The following GGA2 variants were observed in gnomAD, a reference collection of about 807,000 sequenced individuals.
GGA2 encodes the protein golgi associated, gamma adaptin ear containing, ARF binding protein 2, also known as ADP-ribosylation factor-binding protein GGA2.
GGA2 carries 48 observed loss-of-function variants against 79.5 expected under a neutral mutation model. The ratio of observed to expected loss-of-function variants is 0.60; its 90% confidence interval spans 0.48 to 0.77. The LOEUF (loss-of-function observed/expected upper bound fraction) is 0.77. Among genes scored for constraint, GGA2 ranks in the 30% least tolerant of loss-of-function variants. GGA2 has a pLI of 0.00. For missense variants in GGA2, 770 were observed against 774.0 expected (o/e 0.99, Z 0.06); for synonymous variants, 317 against 302.0 (o/e 1.05, Z -0.51).
At position 23,492,287 on chromosome 16, in the gene GGA2, G is replaced by A. The variant is rs545323014; in HGVS notation, c.352-487C>T. Among the ~76,000 whole-genome samples, 5 of 152,206 alleles carry A rather than the reference G, an allele frequency of 3.3e-5. No homozygotes were observed. In the South Asian group the frequency reaches 1.0e-3, roughly 32 times the overall value. ...CAAAGAGATCAACCTTGTGATCAGA[G>A]GGCTGAAACTTTCAGCCCCATCCCC... On this transcript the variant is annotated intron_variant, in intron 4 of 16. Coordinates refer to ENST00000309859, the MANE Select transcript of GGA2 (RefSeq NM_015044.4).
rs760321001 is a variant in GGA2, at chr16:23,482,962, G to A, written c.841C>T (p.Arg281Trp). 22 of 1,612,522 alleles carry A rather than the reference G, an allele frequency of 1.4e-5. No individual in the cohort carries two copies. The highest frequency in any genetic ancestry group is 9.9e-5 in the South Asian group (9 of 91,038). Residue 281 changes from arginine to tryptophan, a missense_variant, in exon 9 of 17, where the codon CGG becomes TGG. Physicochemically the swap from Arg to Trp is moderately radical, Grantham distance 101. Coordinates refer to ENST00000309859, the MANE Select transcript of GGA2 (RefSeq NM_015044.4). The stretch of plus-strand genomic sequence containing the variant: ...TCATCAGTGGTGTCACTCGCCAACC[G>A]GAACAGCGTGGGCCGCAGCTTTTCA... ...RCEKLRPTLFRLASDTTDDDD... is the reference protein window; with the variant it reads ...RCEKLRPTLFWLASDTTDDDD...
chr16:23,510,467 C>G lies in GGA2; in HGVS notation c.-56G>C, dbSNP rs551829604. 1 of 627,884 alleles carries G rather than the reference C, an allele frequency of 1.6e-6. No homozygotes were observed. Among genetic ancestry groups the G allele is most frequent in the Non-Finnish European group, 2.3e-6 (1 of 425,608 alleles). 38.9% of individuals were successfully genotyped at this position (627,884 alleles called of 1,614,324 possible). A position where few individuals can be genotyped will look rare whatever the true frequency, so the allele number is the denominator to read the frequency against. The stretch of plus-strand genomic sequence containing the variant: ...GCCACTGCCTCTTCAGCCGCTGTAG[C>G]GTCCTGGCGCTCTCCTCTGCTGACT... On this transcript the variant is annotated 5_prime_UTR_variant, in exon 1 of 17. Coordinates refer to ENST00000309859, the MANE Select transcript of GGA2 (RefSeq NM_015044.4).
chr16:23,478,286 A>C, intron 13 of GGA2, 82 bp downstream of exon 13: 5 of 1,042,062 alleles, frequency 4.8e-6, no homozygotes, highest in Non-Finnish European at 6.9e-6. Flanking sequence ...GTCTTAGAGC[A>C]CCATTCTCTG....
intron 10 of GGA2, 113 bp downstream of exon 10, chr16:23,480,532 C>A: frequency 5.7e-6 from 5 of 880,092 alleles, no homozygotes; most frequent in Non-Finnish European, 8.6e-6. Context: ...GAACAAAGGG[C>A]GAGTTCTCTC....
At chr16:23,499,194 G>C (rs1293373076) in intron 1 of GGA2, among the ~76,000 whole-genome samples, 3 of 150,838 alleles carry the variant, frequency 2.0e-5, no homozygotes, top group Non-Finnish European at 4.4e-5. Context: ...ACCCGGGCTG[G>C]TGTGCAGCGG....
chr16:23,482,974 G>C lies in GGA2; in HGVS notation c.829C>G (p.Pro277Ala). Reference sequence around the variant, plus strand: ...TCACTCGCCAACCGGAACAGCGTGGGCCGCAGCTTTTCACACCTCTCATAC... The same window carrying C: ...TCACTCGCCAACCGGAACAGCGTGGCCCGCAGCTTTTCACACCTCTCATAC... ...VVYERCEKLR[P>A]TLFRLASDTT... The change falls in exon 9 of 17, where the codon CCC (proline) becomes GCC (alanine). Residue 277 changes from proline to alanine, a missense_variant. Coordinates refer to ENST00000309859, the MANE Select transcript of GGA2 (RefSeq NM_015044.4). 1 of 1,612,770 alleles carries C rather than the reference G, an allele frequency of 6.2e-7. No individual in the cohort carries two copies. Among genetic ancestry groups the C allele is most frequent in the Non-Finnish European group, 8.5e-7 (1 of 1,178,778 alleles).
intron 2 of GGA2, chr16:23,519,525 C>A (rs966111259): frequency 6.0e-6 from 2 of 335,658 alleles, no homozygotes; most frequent in South Asian, 2.1e-5. Context: ...TTCTCCCCTG[C>A]GAGTTTGTAT....
chr16:23,500,990 C>T (rs941569755), intron 1 of GGA2: 6 of 326,168 alleles, frequency 1.8e-5, no homozygotes, highest in Non-Finnish European at 3.6e-5. Context: ...ACAGAACAGT[C>T]AGCCAGCCTG....
chr16:23,475,187 G>T (rs1964561935), intron 13 of GGA2, 126 bp from the exon 14 acceptor site: 2 of 474,286 alleles, frequency 4.2e-6, no homozygotes, highest in Non-Finnish European at 3.7e-6. Flanking sequence ...GATGTTATAT[G>T]CCTTTTTTTT....
intron 8 of GGA2, among the ~76,000 whole-genome samples, chr16:23,484,865 A>G (rs1964692743): frequency 6.6e-6 from 1 of 152,258 alleles, no homozygotes; most frequent in Non-Finnish European, 1.5e-5. Flanking sequence ...TTCTAGGTAT[A>G]TACCCAAGAG....
intron 1 of GGA2, among the ~76,000 whole-genome samples, chr16:23,505,754 A>G (rs1472424565): frequency 6.7e-6 from 1 of 149,538 alleles, no homozygotes; most frequent in Non-Finnish European, 1.5e-5. Context: ...CAAGGTGGAC[A>G]TAAAACCCAA....
chr16:23,503,065 T>C (rs1165719620), intron 1 of GGA2, among the ~76,000 whole-genome samples: 1 of 152,190 alleles, frequency 6.6e-6, no homozygotes, highest in East Asian at 1.9e-4. Flanking sequence ...TCAGAACATT[T>C]GAATATGGCA....
At chr16:23,508,702 C>A (rs1157461704) in intron 1 of GGA2, among the ~76,000 whole-genome samples, 1 of 152,108 alleles carries the variant, frequency 6.6e-6, no homozygotes, top group Non-Finnish European at 1.5e-5. Context: ...AAGCTTCTCC[C>A]GCAAGCTCAC....
At chr16:23,515,543 G>C (rs1298434889) in intron 2 of GGA2, among the ~76,000 whole-genome samples, 2 of 137,268 alleles carry the variant, frequency 1.5e-5, no homozygotes, top group East Asian at 4.2e-4. Flanking sequence ...GCTTCAGTGA[G>C]CTGAGATTGC....
At chr16:23,472,495 G>A (rs1183753922) in intron 14 of GGA2, among the ~76,000 whole-genome samples, 1 of 151,216 alleles carries the variant, frequency 6.6e-6, no homozygotes, top group East Asian at 2.0e-4. Context: ...ACCACACCCA[G>A]CCTGTAGCCC....
At chr16:23,482,474 T>C (rs1371099582) in intron 9 of GGA2, among the ~76,000 whole-genome samples, 1 of 152,212 alleles carries the variant, frequency 6.6e-6, no homozygotes, top group Non-Finnish European at 1.5e-5. Context: ...AAATTCTTTT[T>C]TAGTAACTGT....
Position 23,504,813 on chromosome 16 carries a change from G to A in GGA2, c.91+5508C>T, listed in dbSNP as rs527809514. ...CAGGACAGAGGGGTGCTGAGAAATA[G>A]CACTGCTGCCATGTATTTCCTCACT... On this transcript the variant is annotated intron_variant, in intron 1 of 16. Coordinates refer to ENST00000309859, the MANE Select transcript of GGA2 (RefSeq NM_015044.4). Among the ~76,000 whole-genome samples the A allele has an allele frequency of 6.6e-5, 10 of 152,342 alleles. No homozygotes were observed. The East Asian group carries it at 1.2e-3, about 18-fold the overall frequency.
At position 23,494,361 on chromosome 16, in the gene GGA2, C is replaced by T; in HGVS notation, c.194G>A (p.Trp65Ter). 1 of 1,612,396 alleles carries T rather than the reference C, an allele frequency of 6.2e-7. No homozygotes were observed. The highest frequency in any genetic ancestry group is 8.5e-7 in the Non-Finnish European group (1 of 1,178,376). The change falls in exon 3 of 17, where the codon TGG becomes TAG. Residue 65 changes from tryptophan to a stop codon, truncating the protein, a stop_gained. Transcript: ENST00000309859. LOFTEE classifies it high-confidence loss of function. ...AGACTGGATCTTGTGGGCCAGTAGC[C>T]AGGGCGCATGTGTGGGGCTACAGGG... ...TDPNGPTHAPWLLAHKIQSPQ... is the reference protein window; with the variant it reads ...TDPNGPTHAP
At chr16:23,473,031 C>CAAA (rs71379682) in intron 14 of GGA2, among the ~76,000 whole-genome samples, 5 of 114,430 alleles carry the variant, frequency 4.4e-5, no homozygotes, top group Non-Finnish European at 6.8e-5. Flanking sequence ...ACTCTGTCTC[C>CAAA]AAAAAAAAAA....
Sources: gnomAD v4.1 joint callset for allele counts (sites outside exome capture counted in the v4.1 genomes callset) on GRCh38, gnomAD v4.1.1 for gene constraint, MANE v1.5 for transcripts, NCBI Gene and HGNC (gene_info 2026-07-23, HGNC 2026-07-21) for gene names.